Variants in RECK observed in about 807,000 individuals in gnomAD.
The protein encoded by RECK is reversion inducing cysteine rich protein with kazal motifs, also known as reversion-inducing cysteine-rich protein with Kazal motifs.
Under a neutral mutation model 115.1 loss-of-function variants are expected in RECK, and 69 were observed. That is an observed-to-expected ratio of 0.60 (90% CI 0.49 to 0.73). The LOEUF (loss-of-function observed/expected upper bound fraction) is 0.73, where lower values mean the gene tolerates loss of function less well. Among genes scored for constraint, RECK ranks in the 30% least tolerant of loss-of-function variants. The pLI is 0.00. For missense variants in RECK, 1,047 were observed against 1,203.7 expected (o/e 0.87, Z 1.93); for synonymous variants, 414 against 419.7 (o/e 0.99, Z 0.17).
At chr9:36,077,917 A>C (rs145170282) in intron 6 of RECK, among the ~76,000 whole-genome samples, 1 of 152,200 alleles carries the variant, frequency 6.6e-6, no homozygotes, top group Non-Finnish European at 1.5e-5. Flanking sequence ...TGAGGTAGCC[A>C]TATAAAATAT....
intron 2 of RECK, among the ~76,000 whole-genome samples, chr9:36,056,092 A>G (rs1821510654): frequency 6.6e-6 from 1 of 152,082 alleles, no homozygotes; most frequent in Non-Finnish European, 1.5e-5. Flanking sequence ...ATTCAGCTTC[A>G]ATATTATTAA....
At chr9:36,112,950 G>T (rs1395380833) in intron 16 of RECK, among the ~76,000 whole-genome samples, 1 of 152,164 alleles carries the variant, frequency 6.6e-6, no homozygotes, top group Admixed American at 6.5e-5. Context: ...AGAGAAAAGG[G>T]TGTATTCTTA....
At chr9:36,083,318 A>T (rs768760346) in intron 7 of RECK, 47 bp from the exon 8 acceptor site, 2 of 1,569,656 alleles carry the variant, frequency 1.3e-6, no homozygotes, top group Non-Finnish European at 1.7e-6. Flanking sequence ...TTTAATGTTA[A>T]CAAAAAGCTG....
chr9:36,053,875 A>G (rs2132566927), intron 2 of RECK, among the ~76,000 whole-genome samples: 1 of 152,314 alleles, frequency 6.6e-6, no homozygotes, highest in South Asian at 2.1e-4. Flanking sequence ...CTAATTGAGA[A>G]ATAAGGCAGA....
chr9:36,067,221 A>G (rs1822041905), intron 6 of RECK, among the ~76,000 whole-genome samples: 2 of 152,166 alleles, frequency 1.3e-5, no homozygotes, highest in Admixed American at 6.5e-5. Context: ...GGTGTAATAT[A>G]GCCTATTTTA....
Position 36,080,782 on chromosome 9 carries a change from C to A in RECK, c.439+144C>A. ...TATTATAACAATTCCCATGTCTTAA[C>A]TGTAGATCTACAATGCAGATACTAA... On this transcript the variant is annotated intron_variant, in intron 7 of 20. Transcript: ENST00000377966. 5.7e-6 allele frequency: 4 copies of A among 703,986 alleles called. 1 individual carries two copies. The highest frequency in any genetic ancestry group is 1.8e-5 in the African/African-American group (1 of 55,766). 43.6% of individuals were successfully genotyped at this position (703,986 alleles called of 1,614,324 possible).
chr9:36,054,040 A>G (rs991701800), intron 2 of RECK, among the ~76,000 whole-genome samples: 13 of 152,188 alleles, frequency 8.5e-5, no homozygotes, highest in South Asian at 2.1e-4. Flanking sequence ...ACTAAACTCA[A>G]TGGTCGGCTA....
chr9:36,051,663 C>G (rs993743161), intron 1 of RECK, among the ~76,000 whole-genome samples: 1 of 152,144 alleles, frequency 6.6e-6, no homozygotes, highest in African/African-American at 2.4e-5. Context: ...TCAGATGTTA[C>G]TCTTCTTTAG....
At chr9:36,070,571 G>A (rs564892857) in intron 6 of RECK, among the ~76,000 whole-genome samples, 1 of 151,760 alleles carries the variant, frequency 6.6e-6, no homozygotes, top group South Asian at 2.1e-4. Context: ...AAAAGAAGGA[G>A]CCAGATACTG....
chr9:36,104,314 A>G (rs1564130832), intron 12 of RECK, among the ~76,000 whole-genome samples: 5 of 58,856 alleles, frequency 8.5e-5, no homozygotes, highest in African/African-American at 9.2e-5. Flanking sequence ...ATATATATAT[A>G]TATATATATA....
intron 16 of RECK, among the ~76,000 whole-genome samples, chr9:36,116,707 A>G (rs1289349905): frequency 2.6e-5 from 4 of 151,502 alleles, no homozygotes; most frequent in Non-Finnish European, 5.9e-5. Context: ...TTGCCCCCCC[A>G]GCCTCCAGCT....
intron 1 of RECK, among the ~76,000 whole-genome samples, chr9:36,040,711 G>C (rs1443756185): frequency 1.3e-5 from 2 of 151,716 alleles, no homozygotes; most frequent in African/African-American, 4.9e-5. Flanking sequence ...GTTGACTCAA[G>C]AGTAGAGTGG....
intron 6 of RECK, among the ~76,000 whole-genome samples, chr9:36,066,219 A>G (rs1821990173): frequency 6.6e-6 from 1 of 152,122 alleles, no homozygotes; most frequent in Non-Finnish European, 1.5e-5. Flanking sequence ...TACACCATAC[A>G]AATATGTGCA....
chr9:36,080,576 C>A (rs1313687427), intron 6 of RECK, 29 bp from the exon 7 acceptor site: 22 of 1,565,964 alleles, frequency 1.4e-5, no homozygotes, highest in Non-Finnish European at 8.8e-7. Flanking sequence ...TTGTTAATTT[C>A]TGTTTATTTG....
At chr9:36,102,356 A>C in intron 12 of RECK, 126 bp downstream of exon 12, 10 of 799,962 alleles carry the variant, frequency 1.3e-5, no homozygotes, top group Non-Finnish European at 1.9e-5. Context: ...ATACCATCTC[A>C]ATCACAGACT....
intron 10 of RECK, among the ~76,000 whole-genome samples, chr9:36,097,622 G>A (rs1823404735): frequency 1.3e-5 from 2 of 152,074 alleles, no homozygotes; most frequent in Non-Finnish European, 2.9e-5. Flanking sequence ...AGTATGGGGG[G>A]TCCTCAAAAA....
At chr9:36,051,871 A>G (rs76668796) in intron 1 of RECK, among the ~76,000 whole-genome samples, 3,875 of 152,302 alleles carry the variant, frequency 0.025, 171 homozygotes, top group African/African-American at 0.087. Context: ...CATGCTCAAA[A>G]CAAAATTCAC....
chr9:36,120,811 G>A, intron 19 of RECK, 75 bp downstream of exon 19: 1 of 1,017,956 alleles, frequency 9.8e-7, no homozygotes, highest in Non-Finnish European at 1.5e-6. Flanking sequence ...AGTAGAATGT[G>A]TTGTCCTCAT....
At chr9:36,118,377 A>G (rs1008059154) in intron 17 of RECK, among the ~76,000 whole-genome samples, 2 of 152,152 alleles carry the variant, frequency 1.3e-5, no homozygotes. Flanking sequence ...GCATGAAATG[A>G]TAAGACCTCT....
Sources: allele counts gnomAD v4.1 joint callset (sites outside exome capture counted in the v4.1 genomes callset), GRCh38; gene constraint gnomAD v4.1.1; transcripts MANE v1.5; gene names NCBI Gene and HGNC (gene_info 2026-07-23, HGNC 2026-07-21).